TMTC4: variants seen among roughly 807,000 people sequenced by gnomAD.
TMTC4 encodes the protein protein O-mannosyl-transferase TMTC4.
Under a neutral mutation model 86.0 loss-of-function variants are expected in TMTC4, and 65 were observed. The observed-to-expected ratio is 0.76, with a 90% CI of 0.62 to 0.93. TMTC4 has a LOEUF of 0.93. TMTC4 is among the 40% of genes least tolerant of loss of function. The probability of loss-of-function intolerance (pLI) is 0.00; values close to 1 mark genes in which losing one functional copy is unlikely to be tolerated. For synonymous variants in TMTC4, 379 were observed against 382.5 expected (o/e 0.99, Z 0.11); for missense variants, 866 against 948.1 (o/e 0.91, Z 1.14).
chr13:100,636,409 G>T, intron 10 of TMTC4, 123 bp downstream of exon 10: 1 of 1,150,384 alleles, frequency 8.7e-7, no homozygotes, highest in Non-Finnish European at 1.2e-6. Context: ...CCATAAATAT[G>T]CATTTGAAAC....
chr13:100,641,606 A>G (rs933708494), intron 7 of TMTC4, among the ~76,000 whole-genome samples: 1 of 151,774 alleles, frequency 6.6e-6, no homozygotes, highest in Non-Finnish European at 1.5e-5. Flanking sequence ...ACCTGCCTCA[A>G]CCTCCTGAGT....
At position 100,674,790 on chromosome 13, in the gene TMTC4, A is replaced by C; in HGVS notation, c.-254T>G. 1.0e-6 allele frequency: 1 copy of C among 983,528 alleles called. No homozygotes were observed. The highest frequency in any genetic ancestry group is 1.8e-5 in the African/African-American group (1 of 57,116). The allele number at this position is 983,528 out of a possible 1,614,324, so 60.9% of individuals were successfully genotyped here. On this transcript the variant is annotated 5_prime_UTR_variant, in exon 1 of 19. Transcript: ENST00000342624. ...GCCGCATCTCCCTCCCGGGTGCGGA[A>C]ACTCTGGCGGCTCCAGGCACCCGCC...
intron 6 of TMTC4, among the ~76,000 whole-genome samples, chr13:100,652,241 G>A (rs1566623998): frequency 6.6e-6 from 1 of 152,192 alleles, no homozygotes; most frequent in East Asian, 1.9e-4. Context: ...CACTTTGGGA[G>A]GCCGAGGTGG....
At chr13:100,622,996 T>A (rs968661610) in intron 15 of TMTC4, among the ~76,000 whole-genome samples, 5 of 152,182 alleles carry the variant, frequency 3.3e-5, no homozygotes, top group Non-Finnish European at 7.3e-5. Flanking sequence ...AAATCATGGC[T>A]ACCCACTCCA....
rs1876511632 is a variant in TMTC4 at position 100,605,932 on chromosome 13, A to T, written c.2134+426T>A. Among the ~76,000 whole-genome samples the T allele has an allele frequency of 1.3e-5, 2 of 152,228 alleles. No individual in the cohort carries two copies. The highest frequency in any genetic ancestry group is 2.1e-4 in the South Asian group (1 of 4,826). On this transcript the variant is annotated intron_variant, in intron 18 of 18. Transcript: ENST00000342624. The surrounding 1 kb of genome is among the most constrained non-coding windows in gnomAD (Gnocchi z 4.3). ...TGCATTTTAGCCAAGGCATAAGAGG[A>T]TATAAAGCAGAAGACCAGGCTGGAA...
In TMTC4 at chr13:100,642,361, G is replaced by GT. The variant is rs545817035; in HGVS notation, c.641-51dup. 156 of 1,595,270 alleles carry GT rather than the reference G, an allele frequency of 9.8e-5. 2 individuals carry two copies. In the African/African-American group the frequency reaches 1.6e-3, roughly 16 times the overall value. On this transcript the variant is annotated intron_variant, in intron 6 of 18. Transcript: ENST00000342624. ...TGCAAAAGTCATGGAATGCAGCTCA[G>GT]TTTTTTAGCATCAGGAACTAAAATT...
rs374535152 is a variant in TMTC4 at position 100,637,598 on chromosome 13, G to T, written c.939C>A (p.Gly313=). 23 of 1,614,192 alleles carry T rather than the reference G, an allele frequency of 1.4e-5. No homozygotes were observed. The highest frequency in any genetic ancestry group is 3.3e-4 in the Middle Eastern group (2 of 6,062). The change falls in exon 9 of 19, where the codon GGC becomes GGA. Residue 313 remains glycine (G), a synonymous_variant. Transcript: ENST00000342624. ...TGTCCACCTCGGTGAAGGCCGGCGG[G>T]CCCGTGCCCATGATCCTCCAGCGCA... ...LYVRWRIMGT[G]PPAFTEVDNP...
intron 12 of TMTC4, among the ~76,000 whole-genome samples, chr13:100,628,699 A>G (rs918190230): frequency 6.6e-6 from 1 of 152,184 alleles, no homozygotes; most frequent in African/African-American, 2.4e-5. Flanking sequence ...TCTACTAGGA[A>G]TTCTCAGGTC....
intron 12 of TMTC4, 98 bp downstream of exon 12, chr13:100,634,707 C>A (rs1258980571): frequency 4.8e-6 from 7 of 1,451,790 alleles, no homozygotes; most frequent in African/African-American, 1.4e-5. Context: ...CATGGTCTTA[C>A]ACTAAATACT....
At chr13:100,632,247 C>T (rs549618397) in intron 12 of TMTC4, among the ~76,000 whole-genome samples, 32 of 152,286 alleles carry the variant, frequency 2.1e-4, no homozygotes, top group African/African-American at 7.7e-4. Flanking sequence ...GGGCACATCA[C>T]CATACCAGGT....
At chr13:100,635,607 C>T (rs1265578899) in intron 10 of TMTC4, 2 of 154,224 alleles carry the variant, frequency 1.3e-5, no homozygotes, top group Non-Finnish European at 2.9e-5. Flanking sequence ...AAAAAAAATT[C>T]CTCCAAAATG....
chr13:100,664,010 T>C (rs1392697294), intron 4 of TMTC4, among the ~76,000 whole-genome samples: 1 of 151,932 alleles, frequency 6.6e-6, no homozygotes, highest in Non-Finnish European at 1.5e-5. Flanking sequence ...CTGAGAAAAA[T>C]ATGAAACACC....
rs1195152537 is a variant in TMTC4 at position 100,674,478 on chromosome 13, G to C, written c.-208+266C>G. 6 of 920,334 alleles carry C rather than the reference G, an allele frequency of 6.5e-6. No individual in the cohort carries two copies. In the East Asian group the frequency reaches 7.8e-4, roughly 120 times the overall value. The allele number at this position is 920,334 out of a possible 1,614,324, so 57.0% of individuals were successfully genotyped here. A position where few individuals can be genotyped will look rare whatever the true frequency, so the allele number is the denominator to read the frequency against. On this transcript the variant is annotated intron_variant, in intron 1 of 18. Transcript: ENST00000342624. ...TCTGCCCGGGCGGAGAAGCTCAGGGGCCCGAGCGCGGCGGGCGGGGCGCGC... is the reference window on the plus strand; with the variant it reads ...TCTGCCCGGGCGGAGAAGCTCAGGGCCCCGAGCGCGGCGGGCGGGGCGCGC...
chr13:100,670,309 C>A, intron 2 of TMTC4, 51 bp downstream of exon 2: 2 of 1,594,436 alleles, frequency 1.3e-6, no homozygotes, highest in Non-Finnish European at 1.7e-6. Context: ...CTTTCTATAG[C>A]CTTCTGTCTG....
Position 100,637,862 on chromosome 13 carries a change from T to C in TMTC4, c.834+68A>G, listed in dbSNP as rs553435185. On this transcript the variant is annotated intron_variant, in intron 8 of 18. Coordinates refer to ENST00000342624, the MANE Select transcript of TMTC4 (RefSeq NM_032813.5). ...CAAAATCACAAGGAATATTTGAGAA[T>C]GGCATTTTAAATCAGCTGGTACTTG... 20 of 1,543,752 alleles carry C rather than the reference T, an allele frequency of 1.3e-5. No individual in the cohort carries two copies. The East Asian group carries it at 3.4e-4, about 26-fold the overall frequency.
intron 15 of TMTC4, among the ~76,000 whole-genome samples, chr13:100,615,705 G>A (rs1316626532): frequency 9.6e-5 from 14 of 146,500 alleles, no homozygotes; most frequent in Admixed American, 8.8e-4. Flanking sequence ...CGCCCACCTT[G>A]GCATCCCACA....
chr13:100,659,849 G>A (rs1453741685), intron 5 of TMTC4, among the ~76,000 whole-genome samples: 1 of 149,008 alleles, frequency 6.7e-6, no homozygotes, highest in Non-Finnish European at 1.5e-5. Context: ...TTGCCCGGCT[G>A]TCGTTGCTTT....
chr13:100,636,558 C>T lies in TMTC4; in HGVS notation c.1176G>A (p.Leu392=). 1 of 1,614,248 alleles carries T rather than the reference C, an allele frequency of 6.2e-7. No individual in the cohort carries two copies. The highest frequency in any genetic ancestry group is 1.1e-5 in the South Asian group (1 of 91,082). ...FCLIGLICQA[L]CSEDGHKRRI... ...TTCTCTTGTGGCCGTCTTCAGAGCA[C>T]AGGGCTTGGCATATCAGGCCAATTA... The change falls in exon 10 of 19, where the codon CTG becomes CTA. Residue 392 remains leucine, a synonymous_variant. Transcript: ENST00000342624.
intron 2 of TMTC4, 43 bp from the exon 3 acceptor site, chr13:100,668,837 T>A: frequency 6.3e-7 from 1 of 1,595,348 alleles, no homozygotes; most frequent in Non-Finnish European, 8.6e-7. Flanking sequence ...TCAACACTGG[T>A]AGGACCGTTT....
Sources: allele counts gnomAD v4.1 joint callset (sites outside exome capture counted in the v4.1 genomes callset), GRCh38; gene constraint gnomAD v4.1.1; non-coding constraint Gnocchi (gnomAD v3.1); transcripts MANE v1.5; gene names NCBI Gene and HGNC (gene_info 2026-07-23, HGNC 2026-07-21).